The following FMNL2 variants were observed in gnomAD, a reference collection of about 807,000 sequenced individuals.
FMNL2 encodes the protein formin-like protein 2.
A neutral mutation model predicts 130.2 loss-of-function variants in FMNL2; 51 were observed. That is an observed-to-expected ratio of 0.39 (90% CI 0.31 to 0.49). The LOEUF (loss-of-function observed/expected upper bound fraction) is 0.49, where lower values mean the gene tolerates loss of function less well. Among genes scored for constraint, FMNL2 ranks in the 20% least tolerant of loss-of-function variants. The pLI is 0.85. For synonymous variants in FMNL2, 465 were observed against 467.1 expected, an observed-to-expected ratio of 1.00 and a Z score of 0.06; for missense variants, 977 against 1,316.2, an observed-to-expected ratio of 0.74 and a Z score of 3.99.
intron 1 of FMNL2, among the ~76,000 whole-genome samples, chr2:152,375,873 C>CTATATATATATATATATATA (rs1235599536): frequency 5.0e-4 from 57 of 113,774 alleles, no homozygotes; most frequent in Non-Finnish European, 9.2e-4. Context: ...CTCTCTCTCT[C>CTATATATATATATATATATA]TCTCTATATA....
chr2:152,429,136 C>T (rs762510442), intron 1 of FMNL2, among the ~76,000 whole-genome samples: 10 of 146,990 alleles, frequency 6.8e-5, no homozygotes, highest in East Asian at 2.0e-4. Context: ...TGTTTACCTA[C>T]GTAACAAACC....
chr2:152,498,859 T>C (rs554505637), intron 1 of FMNL2, among the ~76,000 whole-genome samples: 1 of 152,344 alleles, frequency 6.6e-6, no homozygotes, highest in Non-Finnish European at 1.5e-5. Context: ...ATGTGCATTA[T>C]TGAAAACATG....
At chr2:152,535,611 G>A (rs1048599450) in intron 2 of FMNL2, among the ~76,000 whole-genome samples, 1 of 152,060 alleles carries the variant, frequency 6.6e-6, no homozygotes, top group Non-Finnish European at 1.5e-5. Context: ...TAAAGTTTTC[G>A]TGTTAGTGCC....
At chr2:152,598,049 A>G (rs1697859969) in intron 9 of FMNL2, among the ~76,000 whole-genome samples, 1 of 152,322 alleles carries the variant, frequency 6.6e-6, no homozygotes, top group African/African-American at 2.4e-5. Context: ...ATGGCACACC[A>G]TGCACTGATT....
intron 25 of FMNL2, chr2:152,645,480 G>C: frequency 3.1e-6 from 4 of 1,290,090 alleles, no homozygotes; most frequent in Non-Finnish European, 4.0e-6. Context: ...TTCACTCGAG[G>C]GTAAGGATTT....
At chr2:152,351,450 C>T (rs1297088111) in intron 1 of FMNL2, among the ~76,000 whole-genome samples, 3 of 152,044 alleles carry the variant, frequency 2.0e-5, no homozygotes, top group Non-Finnish European at 2.9e-5. Context: ...GAACTTGTGG[C>T]ATTTGGTTTT....
rs1691335770 is a variant in FMNL2, at chr2:152,493,601, G to T, written c.118-28342G>T. On this transcript the variant is annotated intron_variant, in intron 1 of 25. Transcript: ENST00000288670. ...AGTCTTCCTGGTGTTATCACTGGTG[G>T]TAATGAGTGAGTTCTAGCCCTATTA... Among the ~76,000 whole-genome samples, 3 of 152,270 alleles carry T rather than the reference G, an allele frequency of 2.0e-5. No individual in the cohort carries two copies. In the South Asian group the frequency reaches 6.2e-4, roughly 32 times the overall value.
At chr2:152,347,141 C>T (rs1469382831) in intron 1 of FMNL2, among the ~76,000 whole-genome samples, 1 of 152,084 alleles carries the variant, frequency 6.6e-6, no homozygotes, top group African/African-American at 2.4e-5. Flanking sequence ...CAACCAACTC[C>T]CAGATCAGGA....
chr2:152,417,142 C>G (rs997507251), intron 1 of FMNL2, among the ~76,000 whole-genome samples: 11 of 152,206 alleles, frequency 7.2e-5, no homozygotes, highest in Non-Finnish European at 1.2e-4. Flanking sequence ...ATTACCTGAA[C>G]AAACCATAAG....
rs79992990 is a variant in FMNL2 at position 152,589,251 on chromosome 2, G to A, written c.876+8202G>A. Reference sequence around the variant, plus strand: ...CCCCTTCTGCTCCACGCAAGCCTGAGTACAATTTTATGCAATAGGGAACCT... The same window carrying A: ...CCCCTTCTGCTCCACGCAAGCCTGAATACAATTTTATGCAATAGGGAACCT... On this transcript the variant is annotated intron_variant, in intron 9 of 25. Transcript: ENST00000288670. Among the ~76,000 whole-genome samples, 2,230 of 152,046 alleles carry A rather than the reference G, an allele frequency of 0.015. 103 individuals carry two copies. In the East Asian group the frequency reaches 0.18, roughly 12 times the overall value.
At chr2:152,471,253 G>A (rs981603995) in intron 1 of FMNL2, among the ~76,000 whole-genome samples, 1 of 152,108 alleles carries the variant, frequency 6.6e-6, no homozygotes, top group Non-Finnish European at 1.5e-5. Context: ...AACAGCCAAG[G>A]AATATTAGTT....
intron 8 of FMNL2, among the ~76,000 whole-genome samples, chr2:152,579,658 G>A (rs7608463): frequency 0.8 from 122,023 of 152,202 alleles, 49,167 homozygotes; most frequent in East Asian, 0.94. Context: ...AGATCGCACC[G>A]CTGCACTCCG....
intron 9 of FMNL2, among the ~76,000 whole-genome samples, chr2:152,589,940 C>CATACAT (rs1697295819): frequency 4.3e-4 from 29 of 67,030 alleles, no homozygotes; most frequent in Non-Finnish European, 6.4e-4. Flanking sequence ...TGGCTTTATA[C>CATACAT]ATATATATAT....
At chr2:152,508,739 C>T (rs1230824796) in intron 1 of FMNL2, among the ~76,000 whole-genome samples, 1 of 152,124 alleles carries the variant, frequency 6.6e-6, no homozygotes, top group Non-Finnish European at 1.5e-5. Flanking sequence ...AGTGGGTGTA[C>T]TGAGTTCAGC....
chr2:152,427,954 T>C (rs991937791), intron 1 of FMNL2, among the ~76,000 whole-genome samples: 1 of 152,206 alleles, frequency 6.6e-6, no homozygotes, highest in Admixed American at 6.5e-5. Flanking sequence ...CAACATAGGA[T>C]TACATTCAGT....
chr2:152,632,159 C>T (rs754601189), intron 21 of FMNL2, 22 bp downstream of exon 21: 71 of 1,604,124 alleles, frequency 4.4e-5, no homozygotes, highest in African/African-American at 1.6e-4. Context: ...CAGCTATTAC[C>T]GTTCGTCTTG....
In FMNL2 at chr2:152,335,394, C is replaced by T; in HGVS notation, c.-210C>T. ...AAAAGAGGCCGGGGCCGCGCTGGGG[C>T]GGCGGAGAGCATGAGGGAGGCCGGG... On this transcript the variant is annotated 5_prime_UTR_variant, in exon 1 of 26. Transcript: ENST00000288670. The T allele has an allele frequency of 3.5e-6, 1 of 283,202 alleles. No individual in the cohort carries two copies. Among genetic ancestry groups the T allele is most frequent in the Non-Finnish European group, 6.4e-6 (1 of 155,126 alleles). The allele number at this position is 283,202 out of a possible 1,614,324, so 17.5% of individuals were successfully genotyped here. A position where few individuals can be genotyped will look rare whatever the true frequency, so the allele number is the denominator to read the frequency against.
chr2:152,607,691 T>TC, intron 10 of FMNL2: 1 of 250,436 alleles, frequency 4.0e-6, no homozygotes, highest in Non-Finnish European at 7.7e-6. Flanking sequence ...CAGCCATGCC[T>TC]GGTGCAAATG....
intron 1 of FMNL2, among the ~76,000 whole-genome samples, chr2:152,490,788 C>A (rs1278085004): frequency 6.7e-6 from 1 of 150,234 alleles, no homozygotes; most frequent in East Asian, 1.9e-4. Flanking sequence ...ATTTATGGAC[C>A]AGTGTGTGAA....
Sources: gnomAD v4.1 joint callset for allele counts (sites outside exome capture counted in the v4.1 genomes callset) on GRCh38, gnomAD v4.1.1 for gene constraint, MANE v1.5 for transcripts, NCBI Gene and HGNC (gene_info 2026-07-23, HGNC 2026-07-21) for gene names.